Variants in TRPM5 observed in about 807,000 individuals in gnomAD.
TRPM5 encodes the protein transient receptor potential cation channel subfamily M member 5.
In TRPM5, 121 loss-of-function variants were observed where a neutral mutation model predicts 124.9. The ratio of observed to expected loss-of-function variants is 0.97; its 90% CI spans 0.84 to 1.13. TRPM5 has a LOEUF of 1.13. Among genes scored for constraint, TRPM5 ranks in the 50% most tolerant of loss-of-function variants. The probability of loss-of-function intolerance (pLI) is 0.00; values close to 1 mark genes in which losing one functional copy is unlikely to be tolerated. For synonymous variants in TRPM5, 781 were observed against 700.5 expected (o/e 1.11, Z -1.81); for missense variants, 1,643 against 1,589.1 (o/e 1.03, Z -0.58).
At position 2,413,591 on chromosome 11, in the gene TRPM5, G is replaced by A. The variant is rs530755326; in HGVS notation, c.1891-3C>T. On this transcript the variant is annotated splice_polypyrimidine_tract_variant and splice_region_variant and intron_variant, in intron 12 of 23. Coordinates refer to ENST00000155858, the Ensembl canonical transcript of TRPM5. ...CACCAGATCCTGGTCAGGAAGGCCT[G>A]AGGTGAAGGCAAAACTGTCGGCTCC... The A allele has an allele frequency of 6.2e-7, 1 of 1,611,612 alleles. No individual in the cohort carries two copies. The highest frequency in any genetic ancestry group is 1.7e-5 in the Admixed American group (1 of 59,880).
At chr11:2,404,666 T>G in exon 24 of TRPM5, 1 of 489,704 alleles carries the variant, frequency 2.0e-6, no homozygotes, top group Non-Finnish European at 3.7e-6. Flanking sequence ...AGTTTCCAGG[T>G]AGGGATGCGG....
rs1451884511 is a variant in TRPM5 at position 2,420,907 on chromosome 11, G to C, written c.465+125C>G. ...CACCTGCCGGCCGTGTGCTGGCTCT[G>C]CCCGCTCCCTGCTCTTCCTCCAGCT... On this transcript the variant is annotated intron_variant, in intron 3 of 23. Coordinates refer to ENST00000155858, the Ensembl canonical transcript of TRPM5. 4.3e-6 allele frequency: 5 copies of C among 1,154,464 alleles called. No homozygotes were observed. In the African/African-American group the frequency reaches 8.0e-5, roughly 19 times the overall value. 71.5% of individuals were successfully genotyped at this position (1,154,464 alleles called of 1,614,324 possible).
chr11:2,404,968 G>A (rs1274281189), exon 24 of TRPM5: 1 of 1,612,680 alleles, frequency 6.2e-7, no homozygotes, highest in South Asian at 1.1e-5. Context: ...GCCAGCCCCG[G>A]GTTGTTCCCA....
exon 11 of TRPM5, chr11:2,414,729 T>C: frequency 1.9e-6 from 3 of 1,541,244 alleles, no homozygotes; most frequent in Non-Finnish European, 2.6e-6. Flanking sequence ...GGCCAGCCGC[T>C]CGTATTTCGC....
chr11:2,420,969 A>T, intron 3 of TRPM5, 63 bp downstream of exon 8: 1 of 1,472,632 alleles, frequency 6.8e-7, no homozygotes, highest in Non-Finnish European at 9.0e-7. Flanking sequence ...CCGCTGCCCA[A>T]ACCCTTCTGA....
rs369926374 is a variant in TRPM5, at chr11:2,418,475, G to C, written c.714+52C>G. ...GTCCCAGGGGTGCCCAGAACCCACC[G>C]CACCCCTCCACAAGGCTTCGGCCAG... is the stretch of plus-strand genomic sequence containing the variant. On this transcript the variant is annotated intron_variant, in intron 5 of 23. Coordinates refer to ENST00000155858, the Ensembl canonical transcript of TRPM5. 2.5e-3 allele frequency: 3,917 copies of C among 1,576,680 alleles called. 117 individuals are homozygous for C. In the South Asian group the frequency reaches 0.04, roughly 16 times the overall value.
At chr11:2,404,627 G>A (rs1850275463) in exon 24 of TRPM5, 1 of 357,378 alleles carries the variant, frequency 2.8e-6, no homozygotes, top group Non-Finnish European at 5.1e-6. Flanking sequence ...CACGCCACAG[G>A]GCCAGCTTTT....
At position 2,417,834 on chromosome 11, in the gene TRPM5, G is replaced by A; in HGVS notation, c.907-5C>T. 1 of 1,570,044 alleles carries A rather than the reference G, an allele frequency of 6.4e-7. No homozygotes were observed. The highest frequency in any genetic ancestry group is 8.6e-7 in the Non-Finnish European group (1 of 1,156,894). ...GTGTGAGGTGATGTTCTGCAGCTGGGCACCAGAACAGAGCCCCCATGGGGC... is the reference window on the plus strand; with the variant it reads ...GTGTGAGGTGATGTTCTGCAGCTGGACACCAGAACAGAGCCCCCATGGGGC... On this transcript the variant is annotated splice_polypyrimidine_tract_variant and splice_region_variant and intron_variant, in intron 6 of 23. Coordinates refer to ENST00000155858, the Ensembl canonical transcript of TRPM5.
At chr11:2,440,360 C>G in the TRPM5 span, among the ~76,000 whole-genome samples, 23 of 152,290 alleles carry the variant, frequency 1.5e-4, no homozygotes, top group African/African-American at 5.5e-4. This position sits in a 1 kb window ranked among gnomAD's most constrained non-coding sequence, Gnocchi z 5.2. Flanking sequence ...TGATGCCTTA[C>G]AGATGTAGGG....
Position 2,412,256 on chromosome 11 carries a change from G to C in TRPM5, c.2356-3C>G. On this transcript the variant is annotated splice_polypyrimidine_tract_variant and splice_region_variant and intron_variant, in intron 15 of 23. Transcript: ENST00000155858. ...GTGTCCTCGTCTGTGAAGAAGCCCT[G>C]GGAGGGAGGTGGGCAGTCCACTGAC... 1 of 1,611,244 alleles carries C rather than the reference G, an allele frequency of 6.2e-7. No homozygotes were observed. The highest frequency in any genetic ancestry group is 8.5e-7 in the Non-Finnish European group (1 of 1,178,282).
chr11:2,422,771 T>G, intron 1 of TRPM5, 149 bp downstream of exon 6: 1 of 708,006 alleles, frequency 1.4e-6, no homozygotes, highest in East Asian at 2.7e-5. Flanking sequence ...TCTGGAACTC[T>G]GCCTGTCTGG....
At chr11:2,427,172 A>C (rs962373893), upstream of TRPM5, among the ~76,000 whole-genome samples, 3 of 152,230 alleles carry the variant, frequency 2.0e-5, no homozygotes, top group Non-Finnish European at 4.4e-5. Flanking sequence ...AAGATAAGGA[A>C]ACTGAGGCAA....
At chr11:2,419,448 G>GAA (rs57385993) in intron 4 of TRPM5, among the ~76,000 whole-genome samples, 1 of 137,418 alleles carries the variant, frequency 7.3e-6, no homozygotes. Context: ...TCTCTACTGG[G>GAA]AAAAAAAAAA....
chr11:2,417,930 G>A, intron 6 of TRPM5, 101 bp from the exon 12 acceptor site: 2 of 1,226,250 alleles, frequency 1.6e-6, no homozygotes, highest in Non-Finnish European at 2.3e-6. Flanking sequence ...GCGTCCCCAG[G>A]TGAGCCTTGC....
chr11:2,428,472 A>AGTGGTG, the TRPM5 span, among the ~76,000 whole-genome samples: 1 of 147,504 alleles, frequency 6.8e-6, no homozygotes, highest in East Asian at 2.0e-4. This position sits in a 1 kb window ranked among gnomAD's most constrained non-coding sequence, Gnocchi z 4.0. Flanking sequence ...TGGTGGCAGT[A>AGTGGTG]GTGGTGGTGG....
At chr11:2,432,736 C>A in the TRPM5 span, among the ~76,000 whole-genome samples, 1 of 152,262 alleles carries the variant, frequency 6.6e-6, no homozygotes, top group Non-Finnish European at 1.5e-5. Flanking sequence ...GTAGGGCCCG[C>A]TGGCCCAGGG....
upstream of TRPM5, among the ~76,000 whole-genome samples, chr11:2,425,229 T>C (rs1363096298): frequency 6.6e-6 from 1 of 151,940 alleles, no homozygotes; most frequent in Non-Finnish European, 1.5e-5. Context: ...AAATGGATGA[T>C]CTCATAGTTC....
chr11:2,436,299 G>A, the TRPM5 span, among the ~76,000 whole-genome samples: 1 of 152,234 alleles, frequency 6.6e-6, no homozygotes. Context: ...GGGCCATGGT[G>A]GGCTTCAGAG....
intron 23 of TRPM5, 29 bp from the exon 29 acceptor site, chr11:2,405,072 G>C (rs533971212): frequency 5.4e-5 from 86 of 1,590,354 alleles, no homozygotes; most frequent in Non-Finnish European, 7.3e-5. Flanking sequence ...CCCCTGAGCG[G>C]TGGGAACCAG....
Sources: gnomAD v4.1 joint callset for allele counts (sites outside exome capture counted in the v4.1 genomes callset) on GRCh38, gnomAD v4.1.1 for gene constraint, Gnocchi (gnomAD v3.1) non-coding constraint, MANE v1.5 for transcripts, NCBI Gene and HGNC (gene_info 2026-07-23, HGNC 2026-07-21) for gene names.